The following PKP4 variants were observed in gnomAD, a reference collection of about 807,000 sequenced individuals.
PKP4 encodes plakophilin-4.
PKP4 carries 90 observed loss-of-function variants against 145.1 expected under a neutral mutation model. The observed-to-expected ratio is 0.62, with a 90% CI of 0.52 to 0.74. The LOEUF is 0.74. Ranked by LOEUF, PKP4 falls within the 30% of genes least tolerant of loss-of-function variation. The probability of loss-of-function intolerance (pLI) is 0.00; values close to 1 mark genes in which losing one functional copy is unlikely to be tolerated. For synonymous variants in PKP4, 563 were observed against 577.2 expected (o/e 0.98, Z 0.35); for missense variants, 1,340 against 1,482.7 (o/e 0.90, Z 1.58).
At chr2:158,649,586 T>C (rs1442339824) in intron 11 of PKP4, among the ~76,000 whole-genome samples, 30 of 152,222 alleles carry the variant, frequency 2.0e-4, no homozygotes, top group Admixed American at 2.0e-3. Context: ...TCAAGATTTA[T>C]AGTTTTGAGT....
rs80100271 is a variant in PKP4, at chr2:158,616,591, G to A, written c.281-4399G>A. Among the ~76,000 whole-genome samples the A allele has an allele frequency of 7.3e-3, 1,116 of 152,258 alleles. 9 individuals carry two copies. The highest frequency in any genetic ancestry group is 0.025 in the African/African-American group (1,041 of 41,540). On this transcript the variant is annotated intron_variant, in intron 4 of 21. Coordinates refer to ENST00000389759, the MANE Select transcript of PKP4 (RefSeq NM_003628.6). Reference sequence around the variant, plus strand: ...AGTATCATCTGCCTTAACCTCGGGTGCTATTGCTGTCCCAAGAGTCCTGCC... The same window carrying A: ...AGTATCATCTGCCTTAACCTCGGGTACTATTGCTGTCCCAAGAGTCCTGCC...
chr2:158,624,509 G>A (rs2052562789), intron 6 of PKP4, among the ~76,000 whole-genome samples: 1 of 152,094 alleles, frequency 6.6e-6, no homozygotes, highest in Admixed American at 6.5e-5. Flanking sequence ...ACATTGTTCT[G>A]GTGCCCCTTC....
chr2:158,591,716 T>C (rs895929648), intron 3 of PKP4, among the ~76,000 whole-genome samples: 2 of 152,092 alleles, frequency 1.3e-5, no homozygotes, highest in African/African-American at 4.8e-5. Flanking sequence ...TTTTGAAAAT[T>C]TAAATAAATG....
intron 2 of PKP4, among the ~76,000 whole-genome samples, chr2:158,545,738 A>G (rs914070841): frequency 6.6e-6 from 1 of 152,134 alleles, no homozygotes; most frequent in African/African-American, 2.4e-5. Flanking sequence ...GAGATTTCAC[A>G]TGTGTATTGC....
Position 158,680,856 on chromosome 2 carries a change from G to A in PKP4, c.*179G>A. ...GGAAGTGAGGAAATGTTTGGGAGAG[G>A]ACTTTCTAAGCTCTATTTAGGTGTT... On this transcript the variant is annotated 3_prime_UTR_variant, in exon 22 of 22. Transcript: ENST00000389759. The A allele has an allele frequency of 3.4e-6, 2 of 591,794 alleles. No individual in the cohort carries two copies. The highest frequency in any genetic ancestry group is 3.5e-5 in the Admixed American group (1 of 28,982). 36.7% of individuals were successfully genotyped at this position (591,794 alleles called of 1,614,324 possible). A position where few individuals can be genotyped will look rare whatever the true frequency, so the allele number is the denominator to read the frequency against.
chr2:158,652,552 T>C (rs2055473384), intron 11 of PKP4, among the ~76,000 whole-genome samples: 1 of 152,208 alleles, frequency 6.6e-6, no homozygotes. Flanking sequence ...AGCCAGAGAC[T>C]GTATAGGGAA....
intron 1 of PKP4, among the ~76,000 whole-genome samples, chr2:158,522,785 G>A (rs942879230): frequency 2.6e-5 from 4 of 152,230 alleles, no homozygotes; most frequent in Non-Finnish European, 5.9e-5. Flanking sequence ...CACCGTGCGC[G>A]AGCCAAAGCA....
At chr2:158,556,809 G>A (rs1340005478) in intron 2 of PKP4, among the ~76,000 whole-genome samples, 1 of 152,210 alleles carries the variant, frequency 6.6e-6, no homozygotes, top group African/African-American at 2.4e-5. Flanking sequence ...AAAGGCTTAT[G>A]AGTCAGTTAT....
chr2:158,643,606 G>A (rs1429236693), intron 11 of PKP4, among the ~76,000 whole-genome samples: 1 of 149,786 alleles, frequency 6.7e-6, no homozygotes, highest in Non-Finnish European at 1.5e-5. Context: ...CAGGTACTTG[G>A]GAGTCTGAAG....
chr2:158,564,802 A>G (rs1559331280), intron 2 of PKP4, among the ~76,000 whole-genome samples: 2 of 152,258 alleles, frequency 1.3e-5, no homozygotes, highest in Middle Eastern at 3.4e-3. Context: ...TGTTTTCTCT[A>G]CTTAACAACA....
rs1184612911 is a variant in PKP4, at chr2:158,642,705, T to G, written c.1909+6T>G. 1 of 1,577,294 alleles carries G rather than the reference T, an allele frequency of 6.3e-7. No homozygotes were observed. Among genetic ancestry groups the G allele is most frequent in the Non-Finnish European group, 8.7e-7 (1 of 1,156,006 alleles). ...AGTAAGGGAGCTTGTTACAGGTAGG[T>G]ATAGAATGTGATCTCGTCCTAGAGG... is the stretch of plus-strand genomic sequence containing the variant. On this transcript the variant is annotated splice_donor_region_variant and intron_variant, in intron 11 of 21. Transcript: ENST00000389759.
chr2:158,574,738 G>T (rs2047700356), intron 2 of PKP4, among the ~76,000 whole-genome samples: 1 of 152,160 alleles, frequency 6.6e-6, no homozygotes. Flanking sequence ...AGTACTACTT[G>T]TGAGAAGTTG....
At chr2:158,641,928 G>A (rs749147854) in intron 10 of PKP4, among the ~76,000 whole-genome samples, 6 of 152,042 alleles carry the variant, frequency 3.9e-5, no homozygotes, top group Admixed American at 6.5e-5. Context: ...GCTGCCTGCC[G>A]ATGGACATTA....
chr2:158,463,665 AG>A (rs1648602942), intron 1 of PKP4, among the ~76,000 whole-genome samples: 1 of 152,168 alleles, frequency 6.6e-6, no homozygotes. Context: ...GATGCTCTCT[AG>A]AGTCCCTCTA....
intron 20 of PKP4, 44 bp downstream of exon 20, chr2:158,676,911 G>T (rs201437470): frequency 6.8e-6 from 11 of 1,612,598 alleles, no homozygotes; most frequent in South Asian, 3.3e-5. Context: ...TTGAAAAGCC[G>T]CATTTCCAGG....
At chr2:158,636,166 C>G (rs2053792934) in intron 9 of PKP4, among the ~76,000 whole-genome samples, 1 of 152,170 alleles carries the variant, frequency 6.6e-6, no homozygotes, top group African/African-American at 2.4e-5. Flanking sequence ...ACTCATTTCC[C>G]TTTGGCCTAA....
At chr2:158,488,367 A>C (rs1009782846) in intron 1 of PKP4, among the ~76,000 whole-genome samples, 1 of 152,164 alleles carries the variant, frequency 6.6e-6, no homozygotes, top group Non-Finnish European at 1.5e-5. Flanking sequence ...ATGACTCTTC[A>C]TCTGTTTTTA....
chr2:158,515,782 A>T (rs1442624011), intron 1 of PKP4, among the ~76,000 whole-genome samples: 1 of 152,142 alleles, frequency 6.6e-6, no homozygotes, highest in Non-Finnish European at 1.5e-5. Flanking sequence ...CTGGTGGTGC[A>T]CACCTGTAAT....
chr2:158,557,240 G>A (rs2046174049), intron 2 of PKP4, among the ~76,000 whole-genome samples: 1 of 152,082 alleles, frequency 6.6e-6, no homozygotes, highest in African/African-American at 2.4e-5. Context: ...CTCATTGTAT[G>A]CACTTAATGA....
Sources: gnomAD v4.1 joint callset for allele counts (sites outside exome capture counted in the v4.1 genomes callset) on GRCh38, gnomAD v4.1.1 for gene constraint, MANE v1.5 for transcripts, NCBI Gene and HGNC (gene_info 2026-07-23, HGNC 2026-07-21) for gene names.